Variants in CYP20A1 observed in about 807,000 individuals in gnomAD.
CYP20A1 encodes cytochrome P450 family 20 subfamily A member 1, also known as cytochrome P450 20A1.
Under a neutral mutation model 61.4 loss-of-function variants are expected in CYP20A1, and 61 were observed. The observed-to-expected ratio is 0.99, with a 90% confidence interval of 0.81 to 1.23. CYP20A1 has a LOEUF of 1.23. CYP20A1 is among the 50% of genes most tolerant of loss of function. The pLI, the probability that CYP20A1 is intolerant of heterozygous loss-of-function variation, is 0.00. For synonymous variants in CYP20A1, 193 were observed against 188.2 expected (o/e 1.03, Z -0.21); for missense variants, 530 against 542.4 (o/e 0.98, Z 0.23).
At chr2:203,276,753 T>C (rs180717048) in intron 6 of CYP20A1, among the ~76,000 whole-genome samples, 47 of 152,020 alleles carry the variant, frequency 3.1e-4, no homozygotes, top group Non-Finnish European at 5.9e-4. Context: ...AGAGGTTGAG[T>C]TTGTTATTAG....
chr2:203,292,354 G>T, intron 11 of CYP20A1, 28 bp downstream of exon 11: 1 of 1,559,356 alleles, frequency 6.4e-7, no homozygotes, highest in South Asian at 1.1e-5. Context: ...TTGTATTTGT[G>T]ACTGTCAGTT....
chr2:203,258,005 G>GCTCAAGGGCAGTGGCACAATT (rs1455916330), intron 4 of CYP20A1, among the ~76,000 whole-genome samples: 1 of 151,752 alleles, frequency 6.6e-6, no homozygotes, highest in Non-Finnish European at 1.5e-5. Flanking sequence ...GGGCTGAAGG[G>GCTCAAGGGCAGTGGCACAATT]ATCCTCCTGC....
In CYP20A1 at chr2:203,284,443, CCT is replaced by C. The variant is rs1439672446; in HGVS notation, c.851-1166_851-1165del. Among the ~76,000 whole-genome samples, 4 of 152,164 alleles carry C rather than the reference CCT, an allele frequency of 2.6e-5. No individual in the cohort carries two copies. The East Asian group carries it at 7.7e-4, about 29-fold the overall frequency. On this transcript the variant is annotated intron_variant, in intron 8 of 12. Coordinates refer to ENST00000356079, the MANE Select transcript of CYP20A1 (RefSeq NM_177538.3). ...TAAAGGAAATATAACTACTCTTTTT[CCT>C]CTGTTTTTTTCTCAACATGTAATTT...
intron 4 of CYP20A1, among the ~76,000 whole-genome samples, chr2:203,257,509 G>A (rs1299677545): frequency 6.7e-6 from 1 of 149,458 alleles, no homozygotes; most frequent in Non-Finnish European, 1.5e-5. Context: ...TTTTTTTTTT[G>A]CCGGTCTCAG....
At position 203,239,106 on chromosome 2, in the gene CYP20A1, TGGTGGGAGCCGTGCTCTACCTCTATCC is replaced by T; in HGVS notation, c.49_72+3del. On this transcript the variant is annotated inframe_deletion and splice_region_variant, in exon 1 of 13. Coordinates refer to ENST00000356079, the MANE Select transcript of CYP20A1 (RefSeq NM_177538.3). Reference sequence around the variant, plus strand: ...TTCGCCGTTACCTTCTTGCTGGCGTTGGTGGGAGCCGTGCTCTACCTCTATCCGGTGAGCGCCGTCTTGGCTCTCTGG... The same window carrying T: ...TTCGCCGTTACCTTCTTGCTGGCGTTGGTGAGCGCCGTCTTGGCTCTCTGG... The T allele has an allele frequency of 7.4e-6, 12 of 1,613,392 alleles. No individual in the cohort carries two copies. Among genetic ancestry groups the T allele is most frequent in the Admixed American group, 1.7e-5 (1 of 59,978 alleles).
chr2:203,244,755 C>T (rs1348865124), intron 1 of CYP20A1, among the ~76,000 whole-genome samples: 2 of 129,778 alleles, frequency 1.5e-5, no homozygotes, highest in African/African-American at 2.9e-5. Context: ...TTTTTTGAGA[C>T]GGAGTCTTTC....
In CYP20A1 at chr2:203,292,109, C is replaced by G. The variant is rs182052109; in HGVS notation, c.1084-153C>G. Among the ~76,000 whole-genome samples the G allele has an allele frequency of 9.2e-5, 14 of 152,242 alleles. No individual in the cohort carries two copies. In the East Asian group the frequency reaches 2.7e-3, roughly 29 times the overall value. On this transcript the variant is annotated intron_variant, in intron 10 of 12. Transcript: ENST00000356079. ...AGGGAGGCCTTCCTCATTGTAAGAT[C>G]ACCAAAATAATCACTTGTGGTTTCT...
intron 11 of CYP20A1, among the ~76,000 whole-genome samples, chr2:203,295,960 AAAAAG>A (rs2068777519): frequency 6.6e-6 from 1 of 151,852 alleles, no homozygotes; most frequent in Non-Finnish European, 1.5e-5. Flanking sequence ...AAAAAGAAAA[AAAAAG>A]AGAAATAATA....
chr2:203,296,840 G>T lies in CYP20A1; in HGVS notation c.1321G>T (p.Glu441Ter), dbSNP rs778258474. ...ACTTTCTGTGGAGGGACAGGTTATT[G>T]AAACAAAGTATGAACTGGTAACATC... ...HLLSVEGQVI[E>*]TKYELVTSSR... The change falls in exon 13 of 13, where the codon GAA becomes TAA. Residue 441 changes from glutamate to a stop codon, truncating the protein, a stop_gained. Coordinates refer to ENST00000356079, the MANE Select transcript of CYP20A1 (RefSeq NM_177538.3). LOFTEE classifies it high-confidence loss of function. The T allele has an allele frequency of 1.1e-5, 18 of 1,611,854 alleles. No homozygotes were observed. Among genetic ancestry groups the T allele is most frequent in the Non-Finnish European group, 1.4e-5 (17 of 1,179,208 alleles).
chr2:203,242,131 C>T (rs1034756425), intron 1 of CYP20A1, among the ~76,000 whole-genome samples: 3 of 152,204 alleles, frequency 2.0e-5, no homozygotes, highest in Middle Eastern at 6.8e-3. Flanking sequence ...CATGAGCCAC[C>T]GTGCCCAACC....
intron 3 of CYP20A1, among the ~76,000 whole-genome samples, chr2:203,247,624 C>T (rs748403769): frequency 1.1e-4 from 17 of 151,874 alleles, no homozygotes; most frequent in Admixed American, 2.0e-4. Flanking sequence ...TTTGGGAGGC[C>T]GAAGCAGGTG....
At position 203,271,691 on chromosome 2, in the gene CYP20A1, A is replaced by G. The variant is rs13410041; in HGVS notation, c.601-979A>G. Reference sequence around the variant, plus strand: ...TGTTTATCAATATTACAGGTGAAACAGAAATTTGTAATTACCTGTGAATTT... The same window carrying G: ...TGTTTATCAATATTACAGGTGAAACGGAAATTTGTAATTACCTGTGAATTT... On this transcript the variant is annotated intron_variant, in intron 5 of 12. Coordinates refer to ENST00000356079, the MANE Select transcript of CYP20A1 (RefSeq NM_177538.3). Among the ~76,000 whole-genome samples the G allele has an allele frequency of 6.1e-3, 931 of 152,320 alleles. 9 individuals are homozygous for G. The highest frequency in any genetic ancestry group is 0.022 in the African/African-American group (905 of 41,568).
chr2:203,282,466 TA>T (rs941375430), intron 8 of CYP20A1, among the ~76,000 whole-genome samples: 2 of 151,906 alleles, frequency 1.3e-5, no homozygotes, highest in Non-Finnish European at 1.5e-5. Flanking sequence ...GACCCCAGCT[TA>T]AAAAAAATTA....
chr2:203,266,112 A>G (rs553488349), intron 4 of CYP20A1, among the ~76,000 whole-genome samples: 2 of 152,208 alleles, frequency 1.3e-5, no homozygotes, highest in East Asian at 3.8e-4. Context: ...AAGTATGTTT[A>G]GGACTTTTAT....
chr2:203,256,340 C>G (rs72938315), intron 4 of CYP20A1, among the ~76,000 whole-genome samples: 15,977 of 151,862 alleles, frequency 0.11, 1,022 homozygotes, highest in Non-Finnish European at 0.14. Flanking sequence ...GTTTATAATT[C>G]TGTTTTATTT....
At chr2:203,267,999 G>C (rs550877794) in intron 5 of CYP20A1, among the ~76,000 whole-genome samples, 2 of 152,048 alleles carry the variant, frequency 1.3e-5, no homozygotes, top group African/African-American at 4.8e-5. Flanking sequence ...AAAAGTTACA[G>C]TTAATACAAG....
At position 203,300,706 on chromosome 2, in the gene CYP20A1, A is replaced by G. The variant is rs1008914023; in HGVS notation, c.*3798A>G. ...GGAGTTTGAGACCAGCCTGACCAAC[A>G]TGGAGAAACCCTGTCTCTACCAAAA... On this transcript the variant is annotated 3_prime_UTR_variant, in exon 13 of 13. Transcript: ENST00000356079. Among the ~76,000 whole-genome samples, 5 of 151,766 alleles carry G rather than the reference A, an allele frequency of 3.3e-5. No individual in the cohort carries two copies. The highest frequency in any genetic ancestry group is 7.4e-5 in the Non-Finnish European group (5 of 67,972).
At position 203,296,938 on chromosome 2, in the gene CYP20A1, T is replaced by G. The variant is rs778439487; in HGVS notation, c.*30T>G. ...TTATACATTTAAAATCATTGTTAAA[T>G]TGATTGAGGAAAACAACCATTTAAA... is the stretch of plus-strand genomic sequence containing the variant. On this transcript the variant is annotated 3_prime_UTR_variant, in exon 13 of 13. Coordinates refer to ENST00000356079, the MANE Select transcript of CYP20A1 (RefSeq NM_177538.3). 7.6e-7 allele frequency: 1 copy of G among 1,316,902 alleles called. No individual in the cohort carries two copies. Among genetic ancestry groups the G allele is most frequent in the Non-Finnish European group, 1.0e-6 (1 of 957,570 alleles). The allele number at this position is 1,316,902 out of a possible 1,614,324, so 81.6% of individuals were successfully genotyped here. A position where few individuals can be genotyped will look rare whatever the true frequency, so the allele number is the denominator to read the frequency against.
At position 203,303,870 on chromosome 2, in the gene CYP20A1, G is replaced by C. The variant is rs1223706551; in HGVS notation, c.*6962G>C. Among the ~76,000 whole-genome samples, 1 of 99,536 alleles carries C rather than the reference G, an allele frequency of 1.0e-5. No homozygotes were observed. Among genetic ancestry groups the C allele is most frequent in the Non-Finnish European group, 2.1e-5 (1 of 47,130 alleles). The allele number at this position is 99,536 out of a possible 152,430, so 65.3% of individuals were successfully genotyped here. On this transcript the variant is annotated 3_prime_UTR_variant, in exon 13 of 13. Transcript: ENST00000356079. ...CCAGCTTAGGCAATAAAACAAGACTGTCTCAAAAAAAAAAAAAAAAAAAAC... is the reference window on the plus strand; with the variant it reads ...CCAGCTTAGGCAATAAAACAAGACTCTCTCAAAAAAAAAAAAAAAAAAAAC...
Sources: gnomAD v4.1 joint callset for allele counts (sites outside exome capture counted in the v4.1 genomes callset) on GRCh38, gnomAD v4.1.1 for gene constraint, MANE v1.5 for transcripts, NCBI Gene and HGNC (gene_info 2026-07-23, HGNC 2026-07-21) for gene names.